Variants in WLS observed in about 807,000 individuals in gnomAD.
The protein encoded by WLS is protein wntless homolog.
WLS carries 23 observed loss-of-function variants against 62.8 expected under a neutral mutation model. That is an observed-to-expected ratio of 0.37 (90% CI 0.26 to 0.52). The LOEUF (loss-of-function observed/expected upper bound fraction) is 0.52. Among genes scored for constraint, WLS ranks in the 20% least tolerant of loss-of-function variants. The pLI, the probability that WLS is intolerant of heterozygous loss-of-function variation, is 0.92. For missense variants in WLS, 615 were observed against 697.3 expected (o/e 0.88, Z 1.33); for synonymous variants, 246 against 244.1 (o/e 1.01, Z -0.07).
intron 2 of WLS, among the ~76,000 whole-genome samples, chr1:68,160,038 T>C (rs964281238): frequency 6.8e-6 from 1 of 148,148 alleles, no homozygotes; most frequent in Non-Finnish European, 1.5e-5. Flanking sequence ...GTCTGTTTTA[T>C]ACTATGATGA....
chr1:68,163,594 C>T (rs1473325464), intron 2 of WLS, among the ~76,000 whole-genome samples: 10 of 150,754 alleles, frequency 6.6e-5, no homozygotes, highest in African/African-American at 2.4e-4. Flanking sequence ...TCCGCTACCC[C>T]GCTCTCCCCA....
chr1:68,187,809 G>A (rs929474292), intron 2 of WLS, among the ~76,000 whole-genome samples: 8 of 151,776 alleles, frequency 5.3e-5, no homozygotes, highest in African/African-American at 1.2e-4. Flanking sequence ...AAAAGTATTC[G>A]AGTTATTTCA....
chr1:68,147,514 C>T (rs527487479), intron 8 of WLS, among the ~76,000 whole-genome samples: 6 of 152,256 alleles, frequency 3.9e-5, no homozygotes, highest in Non-Finnish European at 8.8e-5. Context: ...CTTTTTCTCC[C>T]AAGATCATTT....
intron 11 of WLS, among the ~76,000 whole-genome samples, chr1:68,118,939 A>C (rs975220214): frequency 6.7e-6 from 1 of 148,606 alleles, no homozygotes; most frequent in Non-Finnish European, 1.5e-5. Flanking sequence ...ACATATGCTT[A>C]TTGAATGAAT....
At chr1:68,117,199 C>G (rs115122492) in intron 11 of WLS, among the ~76,000 whole-genome samples, 1,561 of 152,328 alleles carry the variant, frequency 0.01, 28 homozygotes, top group African/African-American at 0.036. Context: ...CAAACTTTAT[C>G]TGTACAATTG....
intron 11 of WLS, among the ~76,000 whole-genome samples, chr1:68,116,669 G>C (rs953475594): frequency 6.6e-6 from 1 of 152,160 alleles, no homozygotes; most frequent in Admixed American, 6.5e-5. Flanking sequence ...TATTTTAATT[G>C]TTGTTAAGCC....
chr1:68,193,669 T>C (rs1351400088), intron 2 of WLS, among the ~76,000 whole-genome samples: 1 of 152,044 alleles, frequency 6.6e-6, no homozygotes, highest in Non-Finnish European at 1.5e-5. Context: ...GTTTTCTGAG[T>C]CAGAAATCTC....
rs1033895891 is a variant in WLS at position 68,230,987 on chromosome 1, G to A, written c.106+1207C>T. Among the ~76,000 whole-genome samples, 23 of 152,314 alleles carry A rather than the reference G, an allele frequency of 1.5e-4. No homozygotes were observed. In the East Asian group the frequency reaches 4.1e-3, roughly 27 times the overall value. ...CCCACATCGCGTGGGCGCCCGTAAA[G>A]GCACGCGCGGAGAAAGCCCCTCCGT... On this transcript the variant is annotated intron_variant, in intron 1 of 11. Transcript: ENST00000262348.
intron 1 of WLS, among the ~76,000 whole-genome samples, chr1:68,220,144 A>G (rs1649884413): frequency 6.6e-6 from 1 of 152,226 alleles, no homozygotes; most frequent in Admixed American, 6.5e-5. Context: ...AATTACTCTA[A>G]TTTACCGAAT....
At chr1:68,142,171 C>T (rs957839201) in intron 10 of WLS, among the ~76,000 whole-genome samples, 2 of 152,228 alleles carry the variant, frequency 1.3e-5, no homozygotes, top group African/African-American at 4.8e-5. Context: ...CTTCAGGGAT[C>T]AGTCCTTCTT....
intron 10 of WLS, among the ~76,000 whole-genome samples, chr1:68,143,343 T>A (rs778033965): frequency 6.6e-6 from 1 of 152,184 alleles, no homozygotes; most frequent in Non-Finnish European, 1.5e-5. Context: ...TCTAACTTAT[T>A]GCATGTCCTT....
intron 1 of WLS, among the ~76,000 whole-genome samples, chr1:68,195,232 C>T (rs1275925666): frequency 1.3e-5 from 2 of 152,200 alleles, no homozygotes; most frequent in Admixed American, 6.5e-5. Flanking sequence ...AACACCAGCT[C>T]TGGAGGCGAC....
At chr1:68,121,283 G>GCT (rs1646360987), downstream of WLS, 1 of 152,232 alleles carries the variant, frequency 6.6e-6, no homozygotes, top group African/African-American at 2.4e-5. Context: ...CATGTCTGGA[G>GCT]GAGGGGTTCA....
At chr1:68,222,912 TG>T (rs1351170870) in intron 1 of WLS, among the ~76,000 whole-genome samples, 1 of 1,520 alleles carries the variant, frequency 6.6e-4, no homozygotes, top group African/African-American at 2.4e-3. Flanking sequence ...GGGGTGGGGG[TG>T]GGGGTGGGGG....
chr1:68,220,451 C>T (rs753561299), intron 1 of WLS, among the ~76,000 whole-genome samples: 1 of 152,214 alleles, frequency 6.6e-6, no homozygotes, highest in Non-Finnish European at 1.5e-5. Flanking sequence ...AATCCCACAA[C>T]CCCCGTGACT....
intron 11 of WLS, among the ~76,000 whole-genome samples, chr1:68,110,033 A>AAAAT (rs1646203098): frequency 2.0e-5 from 3 of 150,036 alleles, no homozygotes; most frequent in East Asian, 3.9e-4. Flanking sequence ...AAAAAAAAAA[A>AAAAT]AATACAGTAA....
chr1:68,168,873 T>A (rs1463615232), intron 2 of WLS, among the ~76,000 whole-genome samples: 1 of 152,200 alleles, frequency 6.6e-6, no homozygotes, highest in African/African-American at 2.4e-5. Flanking sequence ...ACGCTTTCAA[T>A]TAAGGAAATA....
chr1:68,153,976 A>G (rs1646862222), intron 4 of WLS, among the ~76,000 whole-genome samples: 1 of 152,162 alleles, frequency 6.6e-6, no homozygotes, highest in South Asian at 2.1e-4. Context: ...TATTTCCAAG[A>G]GACTTCGAAT....
intron 1 of WLS, chr1:68,231,869 G>C (rs1650441771): frequency 2.0e-5 from 6 of 301,396 alleles, no homozygotes; most frequent in South Asian, 7.3e-5. Flanking sequence ...GGGGGGGGGG[G>C]GGGCGAGCAA....
Sources: allele counts gnomAD v4.1 joint callset (sites outside exome capture counted in the v4.1 genomes callset), GRCh38; gene constraint gnomAD v4.1.1; transcripts MANE v1.5; gene names NCBI Gene and HGNC (gene_info 2026-07-23, HGNC 2026-07-21).